CLASP2: variants seen among roughly 807,000 people sequenced by gnomAD.
The protein encoded by CLASP2 is CLIP-associating protein 2.
A neutral mutation model predicts 194.4 loss-of-function variants in CLASP2; 47 were observed. The observed-to-expected ratio is 0.24, with a 90% CI of 0.19 to 0.31. CLASP2 has a LOEUF of 0.31. Among genes scored for constraint, CLASP2 ranks in the 10% least tolerant of loss-of-function variants. CLASP2 has a pLI of 1.00. For missense variants in CLASP2, 1,445 were observed against 1,823.6 expected (o/e 0.79, Z 3.78); for synonymous variants, 619 against 633.5 (o/e 0.98, Z 0.34).
chr3:33,676,903 A>G (rs2088776526), intron 6 of CLASP2, among the ~76,000 whole-genome samples: 1 of 152,252 alleles, frequency 6.6e-6, no homozygotes, highest in African/African-American at 2.4e-5. Flanking sequence ...GGATATGAAC[A>G]GACACTTCTC....
intron 37 of CLASP2, chr3:33,502,191 C>T: frequency 6.5e-6 from 1 of 154,116 alleles, no homozygotes; most frequent in Non-Finnish European, 1.4e-5. Flanking sequence ...TTAAGTTTTA[C>T]ATCTGTTCCA....
rs536750705 is a variant in CLASP2 at position 33,663,379 on chromosome 3, T to C, written c.715+66A>G. 3.3e-6 allele frequency: 4 copies of C among 1,210,252 alleles called. No individual in the cohort carries two copies. In the African/African-American group the frequency reaches 4.5e-5, roughly 14 times the overall value. 75.0% of individuals were successfully genotyped at this position (1,210,252 alleles called of 1,614,324 possible). A position where few individuals can be genotyped will look rare whatever the true frequency, so the allele number is the denominator to read the frequency against. On this transcript the variant is annotated intron_variant, in intron 7 of 38. Transcript: ENST00000682230. ...ACTCTTTTGAATCAGTGATATATAA[T>C]ACATTTTAGTGCCTAAAACTTTGCT...
rs777315246 is a variant in CLASP2 at position 33,501,637 on chromosome 3, A to G, written c.4434+15T>C. 3 of 1,494,784 alleles carry G rather than the reference A, an allele frequency of 2.0e-6. No homozygotes were observed. Among genetic ancestry groups the G allele is most frequent in the Non-Finnish European group, 1.9e-6 (2 of 1,071,124 alleles). 92.6% of individuals were successfully genotyped at this position (1,494,784 alleles called of 1,614,324 possible). On this transcript the variant is annotated intron_variant, in intron 38 of 38. Transcript: ENST00000682230. ...ACTATGGCCACCATCTCTAAAACACAGCAGCACTACTTACTTTACTGCCAG... is the reference window on the plus strand; with the variant it reads ...ACTATGGCCACCATCTCTAAAACACGGCAGCACTACTTACTTTACTGCCAG...
chr3:33,559,198 C>T, intron 29 of CLASP2, 109 bp downstream of exon 29: 1 of 791,006 alleles, frequency 1.3e-6, no homozygotes, highest in Non-Finnish European at 2.2e-6. Flanking sequence ...AAAAACAAAA[C>T]CCACTGATTG....
At chr3:33,620,197 T>C (rs1253780657) in intron 11 of CLASP2, among the ~76,000 whole-genome samples, 2 of 152,208 alleles carry the variant, frequency 1.3e-5, no homozygotes, top group African/African-American at 4.8e-5. Flanking sequence ...TTTCTATTAA[T>C]AGTATCACGC....
intron 32 of CLASP2, among the ~76,000 whole-genome samples, chr3:33,541,825 A>C (rs1200634569): frequency 6.6e-6 from 1 of 152,184 alleles, no homozygotes; most frequent in Admixed American, 6.5e-5. Context: ...TTATAACAGA[A>C]TGATTTATAT....
chr3:33,710,400 T>C (rs1343648365), intron 1 of CLASP2, among the ~76,000 whole-genome samples: 1 of 152,212 alleles, frequency 6.6e-6, no homozygotes, highest in Non-Finnish European at 1.5e-5. Context: ...TGCCATTTTA[T>C]TTCTATATGC....
intron 18 of CLASP2, among the ~76,000 whole-genome samples, chr3:33,599,186 G>A (rs764817495): frequency 1.3e-5 from 2 of 152,114 alleles, no homozygotes; most frequent in African/African-American, 2.4e-5. Context: ...GTGCAGTGGT[G>A]TGATCACGGC....
chr3:33,522,700 A>G (rs1422073710), intron 34 of CLASP2, among the ~76,000 whole-genome samples: 1 of 152,234 alleles, frequency 6.6e-6, no homozygotes, highest in African/African-American at 2.4e-5. Flanking sequence ...AAATGGAAAT[A>G]TCAGTAAAGA....
At chr3:33,614,398 C>T (rs1284925285) in intron 12 of CLASP2, among the ~76,000 whole-genome samples, 1 of 151,996 alleles carries the variant, frequency 6.6e-6, no homozygotes, top group East Asian at 1.9e-4. Context: ...AGATCTGAGC[C>T]AATAAGACAG....
At chr3:33,654,358 A>T (rs1461093870) in intron 7 of CLASP2, among the ~76,000 whole-genome samples, 1 of 152,190 alleles carries the variant, frequency 6.6e-6, no homozygotes, top group Non-Finnish European at 1.5e-5. Context: ...AAGTTCTTGG[A>T]CACATTTAAA....
intron 6 of CLASP2, among the ~76,000 whole-genome samples, chr3:33,672,441 C>T (rs1286345931): frequency 2.6e-5 from 4 of 152,162 alleles, no homozygotes. Flanking sequence ...AAAAACCCAT[C>T]TGTACATCAC....
intron 13 of CLASP2, 95 bp from the exon 14 acceptor site, chr3:33,608,721 G>A: frequency 8.4e-6 from 3 of 356,654 alleles, no homozygotes; most frequent in South Asian, 2.8e-5. Flanking sequence ...CTAAATTAAA[G>A]CATAAGACAT....
chr3:33,673,406 A>G (rs1266518782), intron 6 of CLASP2, among the ~76,000 whole-genome samples: 2 of 152,202 alleles, frequency 1.3e-5, no homozygotes, highest in Non-Finnish European at 2.9e-5. Context: ...AGATTTTGTC[A>G]CCACCAGGCC....
At chr3:33,685,309 TC>T (rs1335297636) in intron 5 of CLASP2, among the ~76,000 whole-genome samples, 6 of 118,058 alleles carry the variant, frequency 5.1e-5, no homozygotes, top group Non-Finnish European at 9.5e-5. Context: ...GCCATTGCTC[TC>T]CAGCTTGGGC....
intron 1 of CLASP2, among the ~76,000 whole-genome samples, chr3:33,709,006 A>G (rs992442586): frequency 6.6e-6 from 1 of 152,090 alleles, no homozygotes; most frequent in African/African-American, 2.4e-5. Context: ...TGGATATTAA[A>G]CCCTTATCAA....
At chr3:33,655,419 AG>A in intron 7 of CLASP2, among the ~76,000 whole-genome samples, 1 of 152,298 alleles carries the variant, frequency 6.6e-6, no homozygotes, top group South Asian at 2.1e-4. Flanking sequence ...TACAGCAGGA[AG>A]GTACCATAGG....
rs2085461218 is a variant in CLASP2 at position 33,662,514 on chromosome 3, A to T, written c.715+931T>A. The stretch of plus-strand genomic sequence containing the variant: ...AAGTCAATTTATGCTTCTGGAACTA[A>T]GTTTAGATGTGGGTAAACACAATCT... On this transcript the variant is annotated intron_variant, in intron 7 of 38. Transcript: ENST00000682230. 2.0e-5 allele frequency among the ~76,000 whole-genome samples: 3 copies of T among 152,216 alleles called. No individual in the cohort carries two copies. In the South Asian group the frequency reaches 6.2e-4, roughly 32 times the overall value.
chr3:33,610,891 T>C (rs892749400), intron 13 of CLASP2, among the ~76,000 whole-genome samples: 1 of 152,224 alleles, frequency 6.6e-6, no homozygotes, highest in Non-Finnish European at 1.5e-5. Flanking sequence ...TAACACAGTA[T>C]TTAATTAAAC....
Sources: gnomAD v4.1 joint callset for allele counts (sites outside exome capture counted in the v4.1 genomes callset) on GRCh38, gnomAD v4.1.1 for gene constraint, MANE v1.5 for transcripts, NCBI Gene and HGNC (gene_info 2026-07-23, HGNC 2026-07-21) for gene names.